The following MYLK3 variants were observed in gnomAD, a reference collection of about 807,000 sequenced individuals.
The protein encoded by MYLK3 is myosin light chain kinase 3, also known as MLC kinase.
Under a neutral mutation model 76.3 loss-of-function variants are expected in MYLK3, and 55 were observed. The observed-to-expected ratio is 0.72, with a 90% CI of 0.58 to 0.90. The LOEUF (loss-of-function observed/expected upper bound fraction) is 0.90. Among genes scored for constraint, MYLK3 ranks in the 40% least tolerant of loss-of-function variants. The pLI, the probability that MYLK3 is intolerant of heterozygous loss-of-function variation, is 0.00. For missense variants in MYLK3, 973 were observed against 1,053.6 expected (o/e 0.92, Z 1.06); for synonymous variants, 416 against 425.4 (o/e 0.98, Z 0.27).
intron 4 of MYLK3, among the ~76,000 whole-genome samples, chr16:46,730,931 G>C (rs1476907305): frequency 6.6e-6 from 1 of 152,238 alleles, no homozygotes; most frequent in Non-Finnish European, 1.5e-5. Context: ...CAGTGCCCTT[G>C]GCAAGGCCGA....
In MYLK3 at chr16:46,748,013, C is replaced by A. The variant is rs1049338903; in HGVS notation, c.181G>T (p.Glu61Ter). Reference sequence around the variant, plus strand: ...GCCTCCAGCCTGTGCAGGCCCCGCTCCAGGTGGCCCATGTCTCGGCACATG... The same window carrying A: ...GCCTCCAGCCTGTGCAGGCCCCGCTACAGGTGGCCCATGTCTCGGCACATG... The part of the protein sequence containing the change: ...QSMCRDMGHL[E>*]RGLHRLEASR... The change falls in exon 1 of 13, where the codon GAG (glutamate) becomes TAG (stop). Residue 61 changes from glutamate to a stop codon, truncating the protein, a stop_gained. Transcript: ENST00000394809. LOFTEE classifies it high-confidence loss of function. The surrounding 1 kb of genome is among the most constrained non-coding windows in gnomAD (Gnocchi z 4.3). The A allele has an allele frequency of 9.3e-6, 15 of 1,613,808 alleles. No homozygotes were observed. Among genetic ancestry groups the A allele is most frequent in the Non-Finnish European group, 1.1e-5 (13 of 1,180,046 alleles).
At position 46,738,153 on chromosome 16, in the gene MYLK3, A is replaced by G; in HGVS notation, c.569-10T>C. On this transcript the variant is annotated splice_polypyrimidine_tract_variant and intron_variant, in intron 2 of 12. Transcript: ENST00000394809. ...TCCGCCTTCTGGCTCTCTACAGGAA[A>G]ACAGGCAGGACAAAAATGCACTCCC... The G allele has an allele frequency of 1.3e-6, 2 of 1,504,868 alleles. No individual in the cohort carries two copies. Among genetic ancestry groups the G allele is most frequent in the Non-Finnish European group, 1.8e-6 (2 of 1,130,946 alleles). The allele number at this position is 1,504,868 out of a possible 1,614,324, so 93.2% of individuals were successfully genotyped here. A position where few individuals can be genotyped will look rare whatever the true frequency, so the allele number is the denominator to read the frequency against.
chr16:46,720,102 C>G (rs959327674), intron 9 of MYLK3, among the ~76,000 whole-genome samples: 2 of 152,170 alleles, frequency 1.3e-5, no homozygotes, highest in African/African-American at 4.8e-5. Context: ...TGCTAGAATC[C>G]GGGAGGCAGA....
intron 2 of MYLK3, among the ~76,000 whole-genome samples, chr16:46,739,422 G>A (rs547868462): frequency 7.6e-4 from 115 of 152,124 alleles, no homozygotes; most frequent in Non-Finnish European, 1.5e-3. Flanking sequence ...TAACAAGTTG[G>A]TGGCATAGCC....
Position 46,737,693 on chromosome 16 carries a change from T to A in MYLK3, c.1001+18A>T, listed in dbSNP as rs1567288885. ...AGTCCATCCCCTCCCTCACCCAGCC[T>A]GGAAGAGCTCCCCTTACCTTGGAGG... On this transcript the variant is annotated intron_variant, in intron 3 of 12. Coordinates refer to ENST00000394809, the MANE Select transcript of MYLK3 (RefSeq NM_182493.3). 1.2e-5 allele frequency: 19 copies of A among 1,579,376 alleles called. No homozygotes were observed. The highest frequency in any genetic ancestry group is 1.6e-5 in the Non-Finnish European group (18 of 1,159,574).
chr16:46,708,221 A>T (rs1222517370), intron 12 of MYLK3, among the ~76,000 whole-genome samples: 5 of 152,094 alleles, frequency 3.3e-5, no homozygotes, highest in Non-Finnish European at 5.9e-5. Context: ...ACCCAGGTTT[A>T]TCCTGCCCTT....
At chr16:46,729,928 G>GA in intron 5 of MYLK3, 1 of 557,876 alleles carries the variant, frequency 1.8e-6, no homozygotes, top group Non-Finnish European at 3.2e-6. Context: ...CCTCACCACT[G>GA]AGGCCATCCT....
At chr16:46,751,882 A>T (rs1488592628), upstream of MYLK3, among the ~76,000 whole-genome samples, 2 of 152,098 alleles carry the variant, frequency 1.3e-5, no homozygotes, top group East Asian at 3.9e-4. Context: ...TCCTGCGGGG[A>T]TGCTTCTCTC....
At chr16:46,712,322 C>T (rs1966692708) in intron 10 of MYLK3, among the ~76,000 whole-genome samples, 1 of 151,806 alleles carries the variant, frequency 6.6e-6, no homozygotes, top group Non-Finnish European at 1.5e-5. Flanking sequence ...GCTGCTGAAG[C>T]CCAAGTAGGC....
chr16:46,716,606 A>C (rs1425776971), intron 9 of MYLK3, among the ~76,000 whole-genome samples: 1 of 150,846 alleles, frequency 6.6e-6, no homozygotes, highest in African/African-American at 2.4e-5. Context: ...TCAGGAGAGA[A>C]TCTCTCTCTC....
At chr16:46,760,894 G>C (rs1967267862) in intron 1 of MYLK3, among the ~76,000 whole-genome samples, 2 of 152,196 alleles carry the variant, frequency 1.3e-5, no homozygotes, top group South Asian at 4.1e-4. Flanking sequence ...CAGGATGTGA[G>C]AGAGAATGGG....
intron 2 of MYLK3, among the ~76,000 whole-genome samples, chr16:46,738,663 A>G (rs1319701563): frequency 6.6e-6 from 1 of 152,238 alleles, no homozygotes; most frequent in Admixed American, 6.5e-5. Context: ...TGTTTCTCTA[A>G]GAAGGGAGCA....
intron 9 of MYLK3, among the ~76,000 whole-genome samples, chr16:46,717,554 C>T (rs1469182921): frequency 2.0e-5 from 3 of 151,946 alleles, no homozygotes; most frequent in African/African-American, 4.8e-5. Flanking sequence ...CGCACATACA[C>T]GGCATGCACC....
intron 1 of MYLK3, among the ~76,000 whole-genome samples, chr16:46,754,877 T>C (rs1967176845): frequency 6.6e-6 from 1 of 151,838 alleles, no homozygotes; most frequent in African/African-American, 2.4e-5. Context: ...GTTTTGTGAT[T>C]TGCAAAAATG....
In MYLK3 at chr16:46,730,601, G is replaced by T; in HGVS notation, c.1560C>A (p.Val520=). 6.2e-7 allele frequency: 1 copy of T among 1,613,914 alleles called. No individual in the cohort carries two copies. Among genetic ancestry groups the T allele is most frequent in the Non-Finnish European group, 8.5e-7 (1 of 1,179,934 alleles). Residue 520 remains valine (V), a synonymous_variant, in exon 5 of 13, where the codon GTC becomes GTA. Coordinates refer to ENST00000394809, the MANE Select transcript of MYLK3 (RefSeq NM_182493.3). ...GGCAGATGCCCACCTACCCTCCCAA[G>T]ACTTCGTGCTGGCACACCTCGTAAC... The part of the protein sequence containing the change: ...SAGYEVCQHE[V]LGGGRFGQVH...
At chr16:46,752,338 G>A (rs140177742), upstream of MYLK3, among the ~76,000 whole-genome samples, 26 of 152,158 alleles carry the variant, frequency 1.7e-4, no homozygotes, top group East Asian at 3.5e-3. Flanking sequence ...AGGCTCAAGC[G>A]ATCCTCCAGC....
intron 8 of MYLK3, among the ~76,000 whole-genome samples, chr16:46,724,922 C>G (rs1300095866): frequency 6.6e-6 from 1 of 152,146 alleles, no homozygotes; most frequent in Non-Finnish European, 1.5e-5. Context: ...CAATCCATGA[C>G]CATGGCATGC....
At chr16:46,750,891 G>T (rs1967115381), upstream of MYLK3, among the ~76,000 whole-genome samples, 1 of 152,188 alleles carries the variant, frequency 6.6e-6, no homozygotes, top group Admixed American at 6.5e-5. Context: ...TACTTGGGAG[G>T]CTGAGGCAGG....
At chr16:46,722,203 G>A (rs1966806167) in intron 8 of MYLK3, among the ~76,000 whole-genome samples, 1 of 152,092 alleles carries the variant, frequency 6.6e-6, no homozygotes, top group African/African-American at 2.4e-5. Flanking sequence ...AAGATGTAGG[G>A]CTTATGATAG....
Sources: gnomAD v4.1 joint callset for allele counts (sites outside exome capture counted in the v4.1 genomes callset) on GRCh38, gnomAD v4.1.1 for gene constraint, Gnocchi (gnomAD v3.1) non-coding constraint, MANE v1.5 for transcripts, NCBI Gene and HGNC (gene_info 2026-07-23, HGNC 2026-07-21) for gene names.